The following EBPL variants were observed in gnomAD, a reference collection of about 807,000 sequenced individuals.
EBPL encodes the protein EBP like.
In EBPL, 20 loss-of-function variants were observed where a neutral mutation model predicts 19.0. The ratio of observed to expected loss-of-function variants is 1.05; its 90% CI spans 0.74 to 1.53. The LOEUF is 1.53. Ranked by LOEUF, EBPL falls within the 40% of genes most tolerant of loss-of-function variation. The pLI, the probability that EBPL is intolerant of heterozygous loss-of-function variation, is 0.00. For synonymous variants in EBPL, 107 were observed against 117.0 expected (o/e 0.91, Z 0.55); for missense variants, 219 against 261.1 (o/e 0.84, Z 1.11).
At chr13:49,668,822 T>C (rs1953777013) in intron 2 of EBPL, among the ~76,000 whole-genome samples, 1 of 151,712 alleles carries the variant, frequency 6.6e-6, no homozygotes, top group Non-Finnish European at 1.5e-5. Flanking sequence ...ATATTAAAAG[T>C]ATGGGAAAAC....
intron 1 of EBPL, among the ~76,000 whole-genome samples, chr13:49,673,568 C>T (rs1240496254): frequency 2.6e-5 from 4 of 152,164 alleles, no homozygotes; most frequent in Non-Finnish European, 5.9e-5. Flanking sequence ...TCCCAAGTAG[C>T]TGGGATTACA....
At chr13:49,691,233 G>A (rs963028220) in intron 1 of EBPL, 21 bp downstream of exon 1, 3 of 1,349,998 alleles carry the variant, frequency 2.2e-6, no homozygotes, top group Non-Finnish European at 2.9e-6. Context: ...GGGAGTGCAG[G>A]GTCTAGGCGA....
chr13:49,666,758 C>T (rs192971990), intron 2 of EBPL, among the ~76,000 whole-genome samples: 72 of 146,572 alleles, frequency 4.9e-4, no homozygotes, highest in Middle Eastern at 7.7e-3. Context: ...GGCGTGGTGG[C>T]GCACACCTGT....
chr13:49,684,964 G>A (rs1422722506), intron 1 of EBPL, among the ~76,000 whole-genome samples: 1 of 152,108 alleles, frequency 6.6e-6, no homozygotes. Context: ...GGAGTGCAGT[G>A]GTGTGATCTC....
chr13:49,673,038 G>A (rs1953835301), intron 1 of EBPL, among the ~76,000 whole-genome samples: 2 of 151,988 alleles, frequency 1.3e-5, no homozygotes, highest in African/African-American at 2.4e-5. Context: ...CAACCTTGGC[G>A]ACAGAGTGAA....
intron 1 of EBPL, 149 bp from the exon 2 acceptor site, chr13:49,669,995 T>C: frequency 1.5e-6 from 1 of 648,934 alleles, no homozygotes; most frequent in Non-Finnish European, 2.7e-6. Context: ...TACAACCTTG[T>C]GGGATACAAT....
intron 1 of EBPL, among the ~76,000 whole-genome samples, chr13:49,685,999 T>C (rs1397740844): frequency 6.6e-6 from 1 of 152,150 alleles, no homozygotes; most frequent in East Asian, 1.9e-4. Flanking sequence ...GGCCTCAAGA[T>C]TTCTCAACGA....
intron 1 of EBPL, among the ~76,000 whole-genome samples, chr13:49,677,419 A>G (rs1953888395): frequency 6.6e-6 from 1 of 152,220 alleles, no homozygotes; most frequent in Non-Finnish European, 1.5e-5. Flanking sequence ...ATCTCTGAAC[A>G]TTCTGTGATT....
chr13:49,680,859 T>C (rs1434199922), intron 1 of EBPL, among the ~76,000 whole-genome samples: 1 of 151,604 alleles, frequency 6.6e-6, no homozygotes, highest in African/African-American at 2.4e-5. Flanking sequence ...AAAAAAAATA[T>C]ATGTGATACA....
chr13:49,690,496 CGT>C (rs991440757), intron 1 of EBPL, among the ~76,000 whole-genome samples: 12 of 62,688 alleles, frequency 1.9e-4, no homozygotes, highest in Non-Finnish European at 4.7e-4. Context: ...TGTGCGTGCG[CGT>C]GTGTGGTGGG....
intron 1 of EBPL, among the ~76,000 whole-genome samples, chr13:49,688,533 T>C (rs1303707018): frequency 6.6e-6 from 1 of 151,878 alleles, no homozygotes; most frequent in East Asian, 1.9e-4. Flanking sequence ...TCCTGGCTAA[T>C]ATGGTGAAAC....
At chr13:49,689,528 T>C (rs1451395546) in intron 1 of EBPL, among the ~76,000 whole-genome samples, 1 of 152,084 alleles carries the variant, frequency 6.6e-6, no homozygotes, top group African/African-American at 2.4e-5. Flanking sequence ...TTTGTATATT[T>C]AGTACAGACG....
Position 49,661,181 on chromosome 13 carries a change from C to A in EBPL, c.408G>T (p.Val136=), listed in dbSNP as rs752318902. The change falls in exon 4 of 4, where the codon GTG becomes GTT. Residue 136 remains valine, a synonymous_variant. Transcript: ENST00000242827. ...YRHFLQITLC[V]CELYGCWMTF... ...TCATCCAGCAGCCATACAGCTCGCACACGCACAGGGTGATCTGCAGGAAAT... is the reference window on the plus strand; with the variant it reads ...TCATCCAGCAGCCATACAGCTCGCAAACGCACAGGGTGATCTGCAGGAAAT... The A allele has an allele frequency of 1.2e-5, 19 of 1,614,196 alleles. No homozygotes were observed. The highest frequency in any genetic ancestry group is 8.0e-5 in the African/African-American group (6 of 75,050).
In EBPL at chr13:49,688,748, G is replaced by A. The variant is rs925516428; in HGVS notation, c.171+2506C>T. On this transcript the variant is annotated intron_variant, in intron 1 of 3. Coordinates refer to ENST00000242827, the MANE Select transcript of EBPL (RefSeq NM_032565.5). ...AAAAAAAAAAAAAAAAAGAAGTGTC[G>A]GGTTAAGGAGAGGCAACTCATCTTC... Among the ~76,000 whole-genome samples the A allele has an allele frequency of 4.0e-5, 6 of 149,994 alleles. 1 individual carries two copies. The East Asian group carries it at 5.9e-4, about 15-fold the overall frequency.
intron 3 of EBPL, chr13:49,661,823 C>T: frequency 1.9e-6 from 3 of 1,546,740 alleles, no homozygotes; most frequent in South Asian, 2.4e-5. Flanking sequence ...AATAAGACTT[C>T]TTCATTACAA....
chr13:49,660,800 C>A lies in EBPL; in HGVS notation c.*168G>T. 3.5e-6 allele frequency: 2 copies of A among 565,816 alleles called. No individual in the cohort carries two copies. Among genetic ancestry groups the A allele is most frequent in the Admixed American group, 6.9e-5 (2 of 29,140 alleles). The allele number at this position is 565,816 out of a possible 1,614,324, so 35.0% of individuals were successfully genotyped here. ...CCTATATCACCATTTAATTGAACAACAATACAACGAAAACTGGTCGCCTTA... is the reference window on the plus strand; with the variant it reads ...CCTATATCACCATTTAATTGAACAAAAATACAACGAAAACTGGTCGCCTTA... On this transcript the variant is annotated 3_prime_UTR_variant, in exon 4 of 4. Transcript: ENST00000242827.
At chr13:49,673,962 T>TACACACACACACACAC (rs56323070) in intron 1 of EBPL, among the ~76,000 whole-genome samples, 14,204 of 143,002 alleles carry the variant, frequency 0.099, 840 homozygotes, top group Non-Finnish European at 0.13. Flanking sequence ...TGGAACTTAA[T>TACACACACACACACAC]ACACACACAC....
chr13:49,670,129 T>C (rs1007880121), intron 1 of EBPL, among the ~76,000 whole-genome samples: 6 of 152,174 alleles, frequency 3.9e-5, no homozygotes, highest in Admixed American at 2.6e-4. Flanking sequence ...AAAAGTGAAA[T>C]TTTTGCATAA....
At chr13:49,671,259 T>C (rs1953812894) in intron 1 of EBPL, among the ~76,000 whole-genome samples, 2 of 152,178 alleles carry the variant, frequency 1.3e-5, no homozygotes, top group Non-Finnish European at 2.9e-5. Flanking sequence ...TGCCTCAGAC[T>C]CTCAAGTAGC....
Sources: gnomAD v4.1 joint callset for allele counts (sites outside exome capture counted in the v4.1 genomes callset) on GRCh38, gnomAD v4.1.1 for gene constraint, MANE v1.5 for transcripts, NCBI Gene and HGNC (gene_info 2026-07-23, HGNC 2026-07-21) for gene names.